The following TPD52L1 variants were observed in gnomAD, a reference collection of about 807,000 sequenced individuals.
TPD52L1 encodes the protein tumor protein D53.
In TPD52L1, 18 loss-of-function variants were observed where a neutral mutation model predicts 28.7. The observed-to-expected ratio is 0.63, with a 90% CI of 0.43 to 0.93. The LOEUF (loss-of-function observed/expected upper bound fraction) is 0.93, where lower values mean the gene tolerates loss of function less well. TPD52L1 is among the 40% of genes least tolerant of loss of function. The pLI, the probability that TPD52L1 is intolerant of heterozygous loss-of-function variation, is 0.00. For synonymous variants in TPD52L1, 75 were observed against 88.8 expected, an observed-to-expected ratio of 0.84 and a Z score of 0.88; for missense variants, 203 against 254.8, an observed-to-expected ratio of 0.80 and a Z score of 1.39.
intron 1 of TPD52L1, among the ~76,000 whole-genome samples, chr6:125,156,229 C>CT (rs1790107756): frequency 6.6e-6 from 1 of 152,002 alleles, no homozygotes; most frequent in Non-Finnish European, 1.5e-5. Flanking sequence ...TTCGGGAGGC[C>CT]AAGGTAGGAG....
At chr6:125,214,700 T>C (rs1402426778) in intron 1 of TPD52L1, among the ~76,000 whole-genome samples, 1 of 152,220 alleles carries the variant, frequency 6.6e-6, no homozygotes. Context: ...GGCAGATGGA[T>C]GCCTTAGACC....
chr6:125,248,025 G>C (rs1050399678), intron 3 of TPD52L1, among the ~76,000 whole-genome samples: 2 of 152,210 alleles, frequency 1.3e-5, no homozygotes, highest in Non-Finnish European at 2.9e-5. Context: ...TGTCATGAAA[G>C]AGCTGCACAT....
intron 1 of TPD52L1, among the ~76,000 whole-genome samples, chr6:125,169,433 T>G (rs1029095661): frequency 6.6e-6 from 1 of 152,134 alleles, no homozygotes; most frequent in Non-Finnish European, 1.5e-5. Flanking sequence ...ACTCAACATG[T>G]CTAACACTGA....
chr6:125,231,823 T>G (rs549577501), intron 3 of TPD52L1, among the ~76,000 whole-genome samples: 11 of 152,178 alleles, frequency 7.2e-5, no homozygotes, highest in Non-Finnish European at 1.6e-4. Flanking sequence ...TCATGGTTGC[T>G]TGGGTTGAAA....
rs186394161 is a variant in TPD52L1, at chr6:125,179,281, G to A, written c.19+25311G>A. Among the ~76,000 whole-genome samples the A allele has an allele frequency of 6.3e-3, 965 of 152,332 alleles. 11 individuals are homozygous for A. The highest frequency in any genetic ancestry group is 0.031 in the Middle Eastern group (9 of 294). On this transcript the variant is annotated intron_variant, in intron 1 of 6. Transcript: ENST00000534000. Reference sequence around the variant, plus strand: ...TGTTTTGTTTCTCATTTATTACTGTGTCCTGCAGAACACAATGGGTTTACC... The same window carrying A: ...TGTTTTGTTTCTCATTTATTACTGTATCCTGCAGAACACAATGGGTTTACC...
At chr6:125,199,992 C>A (rs1396416291) in intron 1 of TPD52L1, among the ~76,000 whole-genome samples, 1 of 152,186 alleles carries the variant, frequency 6.6e-6, no homozygotes, top group East Asian at 1.9e-4. Context: ...TCATTGCTAC[C>A]TTTCACAGGT....
At chr6:125,236,664 T>C (rs549724941) in intron 3 of TPD52L1, among the ~76,000 whole-genome samples, 2 of 152,358 alleles carry the variant, frequency 1.3e-5, no homozygotes, top group South Asian at 2.1e-4. Flanking sequence ...CCCAACTTCA[T>C]GCAAAAGCCA....
intron 6 of TPD52L1, chr6:125,261,117 A>G (rs979143142): frequency 6.6e-6 from 1 of 152,150 alleles, no homozygotes; most frequent in African/African-American, 2.4e-5. Flanking sequence ...GCTACTTCCT[A>G]CAAGAACTGA....
At chr6:125,194,886 TAGAG>T (rs910938506) in intron 1 of TPD52L1, among the ~76,000 whole-genome samples, 8 of 152,212 alleles carry the variant, frequency 5.3e-5, no homozygotes, top group Admixed American at 2.0e-4. Context: ...GAATCTGACT[TAGAG>T]AGAGTTTATT....
chr6:125,156,774 CA>C (rs1790167692), intron 1 of TPD52L1, among the ~76,000 whole-genome samples: 1 of 151,982 alleles, frequency 6.6e-6, no homozygotes, highest in Non-Finnish European at 1.5e-5. Flanking sequence ...GTCTCAAAAA[CA>C]GATAAACAAA....
At chr6:125,252,076 C>CCTTG in intron 4 of TPD52L1, 1 of 1,535,326 alleles carries the variant, frequency 6.5e-7, no homozygotes, top group Non-Finnish European at 8.7e-7. Flanking sequence ...TTCCCCACTC[C>CCTTG]CTTGCTGCCC....
At chr6:125,194,274 T>G (rs1211013775) in intron 1 of TPD52L1, among the ~76,000 whole-genome samples, 1 of 152,192 alleles carries the variant, frequency 6.6e-6, no homozygotes, top group Non-Finnish European at 1.5e-5. Context: ...AACTCACCAT[T>G]AACTCTACAG....
intron 1 of TPD52L1, among the ~76,000 whole-genome samples, chr6:125,176,268 G>A (rs969437960): frequency 1.3e-5 from 2 of 152,300 alleles, no homozygotes; most frequent in East Asian, 1.9e-4. Flanking sequence ...AAACATGTCC[G>A]TATTCTTGTT....
chr6:125,211,940 C>G (rs746586972), intron 1 of TPD52L1, among the ~76,000 whole-genome samples: 5 of 152,256 alleles, frequency 3.3e-5, no homozygotes, highest in South Asian at 2.1e-4. Context: ...ACAGAAAGTA[C>G]AATTCTAATA....
In TPD52L1 at chr6:125,209,731, G is replaced by A. The variant is rs114417080; in HGVS notation, c.20-10347G>A. ...ACCTGGCTCTCTTCAGAGTGAAGGGGGCTGGGCTCAGGGAAAGCAAAGAAG... is the reference window on the plus strand; with the variant it reads ...ACCTGGCTCTCTTCAGAGTGAAGGGAGCTGGGCTCAGGGAAAGCAAAGAAG... On this transcript the variant is annotated intron_variant, in intron 1 of 6. Coordinates refer to ENST00000534000, the MANE Select transcript of TPD52L1 (RefSeq NM_003287.4). Among the ~76,000 whole-genome samples, 1,004 of 152,256 alleles carry A rather than the reference G, an allele frequency of 6.6e-3. 11 individuals carry two copies. Among genetic ancestry groups the A allele is most frequent in the African/African-American group, 0.022 (922 of 41,560 alleles).
chr6:125,177,579 C>T (rs1054986614), intron 1 of TPD52L1, among the ~76,000 whole-genome samples: 3 of 152,136 alleles, frequency 2.0e-5, no homozygotes, highest in African/African-American at 7.2e-5. Flanking sequence ...CTTACTACAG[C>T]CCTGTGATCC....
intron 1 of TPD52L1, among the ~76,000 whole-genome samples, chr6:125,178,635 CA>C (rs1230000324): frequency 1.4e-5 from 2 of 145,084 alleles, no homozygotes; most frequent in Admixed American, 1.4e-4. Context: ...CAAAACAAAA[CA>C]AAACAAAACA....
intron 1 of TPD52L1, among the ~76,000 whole-genome samples, chr6:125,190,285 C>G (rs1792946244): frequency 6.6e-6 from 1 of 152,034 alleles, no homozygotes; most frequent in Non-Finnish European, 1.5e-5. Flanking sequence ...GACCGTTGTC[C>G]CTGGTGGTCC....
In TPD52L1 at chr6:125,220,113, G is replaced by A. The variant is rs564083088; in HGVS notation, c.55G>A (p.Glu19Lys). 7.4e-5 allele frequency: 120 copies of A among 1,613,724 alleles called. No homozygotes were observed. Among genetic ancestry groups the A allele is most frequent in the Non-Finnish European group, 7.5e-5 (89 of 1,179,806 alleles). The change falls in exon 2 of 7, where the codon GAA (glutamate) becomes AAA (lysine). Residue 19 changes from glutamate to lysine, a missense_variant. Glu to Lys is a moderately conservative substitution (Grantham distance 56). Coordinates refer to ENST00000534000, the MANE Select transcript of TPD52L1 (RefSeq NM_003287.4). Reference protein sequence around the residue: ...LETEPLQGTDEDAVASADFSS... With the variant: ...LETEPLQGTDKDAVASADFSS... ...GACTGAACCGTTGCAAGGAACAGACGAAGATGCAGTAGCCAGTGCTGACTT... is the reference window on the plus strand; with the variant it reads ...GACTGAACCGTTGCAAGGAACAGACAAAGATGCAGTAGCCAGTGCTGACTT...
Sources: gnomAD v4.1 joint callset for allele counts (sites outside exome capture counted in the v4.1 genomes callset) on GRCh38, gnomAD v4.1.1 for gene constraint, MANE v1.5 for transcripts, NCBI Gene and HGNC (gene_info 2026-07-23, HGNC 2026-07-21) for gene names.